Variants in VPS13C observed in about 807,000 individuals in gnomAD.
VPS13C encodes the protein intermembrane lipid transfer protein VPS13C.
Under a neutral mutation model 456.8 loss-of-function variants are expected in VPS13C, and 358 were observed. That is an observed-to-expected ratio of 0.78 (90% CI 0.72 to 0.86). VPS13C has a LOEUF of 0.86. VPS13C is among the 40% of genes least tolerant of loss of function. The probability of loss-of-function intolerance (pLI) is 0.00; values close to 1 mark genes in which losing one functional copy is unlikely to be tolerated. For missense variants in VPS13C, 4,818 were observed against 4,385.4 expected, an observed-to-expected ratio of 1.10 and a Z score of -2.79; for synonymous variants, 1,578 against 1,486.7, an observed-to-expected ratio of 1.06 and a Z score of -1.41.
At chr15:61,979,755 C>A (rs886648215) in intron 22 of VPS13C, among the ~76,000 whole-genome samples, 6 of 152,148 alleles carry the variant, frequency 3.9e-5, no homozygotes, top group African/African-American at 1.4e-4. Flanking sequence ...TAAAGCTGAG[C>A]AAACTTTTTA....
chr15:61,997,389 T>G lies in VPS13C; in HGVS notation c.1353+3175A>C, dbSNP rs547473568. Among the ~76,000 whole-genome samples, 163 of 152,280 alleles carry G rather than the reference T, an allele frequency of 1.1e-3. No individual in the cohort carries two copies. The Middle Eastern group carries it at 0.014, about 13-fold the overall frequency. ...CTAGCTATTCTAATTCCTGAGGTGATCTCATGCAATCTCATGGCTTTAAAG... is the reference window on the plus strand; with the variant it reads ...CTAGCTATTCTAATTCCTGAGGTGAGCTCATGCAATCTCATGGCTTTAAAG... On this transcript the variant is annotated intron_variant, in intron 16 of 84. Coordinates refer to ENST00000644861, the MANE Select transcript of VPS13C (RefSeq NM_020821.3).
chr15:61,875,108 A>G (rs1895320008), intron 76 of VPS13C, among the ~76,000 whole-genome samples, 157 bp from the exon 77 acceptor site: 1 of 152,236 alleles, frequency 6.6e-6, no homozygotes, highest in South Asian at 2.1e-4. Context: ...TATGGATAGA[A>G]TATCTATTGT....
chr15:61,869,863 G>T (rs1185223836), intron 79 of VPS13C, among the ~76,000 whole-genome samples: 1 of 152,084 alleles, frequency 6.6e-6, no homozygotes, highest in East Asian at 1.9e-4. Flanking sequence ...TGGGGGCGGG[G>T]CCAGCATTTA....
At chr15:61,952,267 G>T (rs1294902591) in intron 38 of VPS13C, among the ~76,000 whole-genome samples, 1 of 152,098 alleles carries the variant, frequency 6.6e-6, no homozygotes, top group Non-Finnish European at 1.5e-5. Flanking sequence ...AATTCTTTGT[G>T]GTGGGAAATG....
At chr15:61,869,928 T>C (rs551584906) in intron 79 of VPS13C, among the ~76,000 whole-genome samples, 2 of 152,312 alleles carry the variant, frequency 1.3e-5, no homozygotes, top group East Asian at 3.9e-4. Context: ...TGAGAACTAC[T>C]GATCTAGGAG....
At chr15:61,996,896 C>CACATATAT (rs1491210762) in intron 16 of VPS13C, among the ~76,000 whole-genome samples, 1 of 129,416 alleles carries the variant, frequency 7.7e-6, no homozygotes, top group South Asian at 2.4e-4. Context: ...CACACACACA[C>CACATATAT]ATATATATAT....
chr15:61,962,250 A>G, intron 34 of VPS13C, 121 bp downstream of exon 34: 1 of 872,448 alleles, frequency 1.1e-6, no homozygotes, highest in African/African-American at 1.7e-5. Flanking sequence ...ACATTCACGC[A>G]TAAATATAAT....
At chr15:61,888,891 C>G (rs1896464490) in intron 67 of VPS13C, among the ~76,000 whole-genome samples, 1 of 152,002 alleles carries the variant, frequency 6.6e-6, no homozygotes. Flanking sequence ...AATGTAGTAT[C>G]AATATTAGCT....
chr15:61,887,406 C>A (rs528802917), intron 67 of VPS13C, among the ~76,000 whole-genome samples: 1 of 152,254 alleles, frequency 6.6e-6, no homozygotes, highest in Admixed American at 6.5e-5. Flanking sequence ...ACCTGGACAT[C>A]CATATGCAAT....
At chr15:61,873,430 A>C in intron 77 of VPS13C, 21 bp from the exon 78 acceptor site, 1 of 1,611,290 alleles carries the variant, frequency 6.2e-7, no homozygotes, top group Non-Finnish European at 8.5e-7. Flanking sequence ...CAAGGGATTA[A>C]TTTCTAGAAT....
In VPS13C at chr15:61,983,652, A is replaced by G. The variant is rs933345991; in HGVS notation, c.1914+168T>C. 6 of 692,952 alleles carry G rather than the reference A, an allele frequency of 8.7e-6. No individual in the cohort carries two copies. The African/African-American group carries it at 1.1e-4, about 13-fold the overall frequency. 42.9% of individuals were successfully genotyped at this position (692,952 alleles called of 1,614,324 possible). A position where few individuals can be genotyped will look rare whatever the true frequency, so the allele number is the denominator to read the frequency against. On this transcript the variant is annotated intron_variant, in intron 20 of 84. Transcript: ENST00000644861. ...GAAAAATGTATTGCATATGAAAAAA[A>G]TCAAAATTAGCTGCTGAACATATAC...
intron 63 of VPS13C, among the ~76,000 whole-genome samples, chr15:61,911,148 T>G (rs141150821): frequency 6.6e-6 from 1 of 152,182 alleles, no homozygotes; most frequent in African/African-American, 2.4e-5. Context: ...GCTGGTTTGG[T>G]TGAAAATTCA....
At chr15:62,013,234 T>C in intron 10 of VPS13C, 115 bp from the exon 11 acceptor site, 1 of 588,532 alleles carries the variant, frequency 1.7e-6, no homozygotes, top group Non-Finnish European at 2.7e-6. Context: ...CATTTTGAAT[T>C]TTTAAAGGAA....
Position 61,954,434 on chromosome 15 carries a change from A to C in VPS13C, c.4286T>G (p.Phe1429Cys). 1 of 1,603,074 alleles carries C rather than the reference A, an allele frequency of 6.2e-7. No individual in the cohort carries two copies. The highest frequency in any genetic ancestry group is 8.5e-7 in the Non-Finnish European group (1 of 1,176,842). ...AAAATTACACACCTCTTTAATTTCA[A>C]AATTCAGCAGCATATTAATGATGTC... Reference protein sequence around the residue: ...SVDIINMLLNFEIKEVVVTLM... With the variant: ...SVDIINMLLNCEIKEVVVTLM... Residue 1429 changes from phenylalanine (F) to cysteine (C), a missense_variant, in exon 38 of 85, where the codon TTT becomes TGT. Around this residue, in one of 3 missense-constraint regions of VPS13C, gnomAD observed 4,552 missense variants for 4,130.6 expected, o/e 1.10. Coordinates refer to ENST00000644861, the MANE Select transcript of VPS13C (RefSeq NM_020821.3).
At chr15:62,051,722 T>G (rs1443676219) in intron 1 of VPS13C, among the ~76,000 whole-genome samples, 1 of 152,042 alleles carries the variant, frequency 6.6e-6, no homozygotes, top group Non-Finnish European at 1.5e-5. Flanking sequence ...TAACTAAAAT[T>G]AGTATAACAA....
chr15:61,892,340 G>C (rs905665487), intron 66 of VPS13C, among the ~76,000 whole-genome samples: 1 of 152,136 alleles, frequency 6.6e-6, no homozygotes, highest in African/African-American at 2.4e-5. Context: ...CTACATAGCT[G>C]GGATATCCCC....
At chr15:61,963,709 C>A in intron 32 of VPS13C, 126 bp downstream of exon 32, 4 of 676,630 alleles carry the variant, frequency 5.9e-6, no homozygotes, top group Non-Finnish European at 1.0e-5. Flanking sequence ...GCATACAATC[C>A]AATTACGTCT....
rs1158106157 is a variant in VPS13C, at chr15:61,922,404, G to A, written c.6968C>T (p.Thr2323Ile). 6.2e-7 allele frequency: 1 copy of A among 1,612,360 alleles called. No individual in the cohort carries two copies. The highest frequency in any genetic ancestry group is 8.5e-7 in the Non-Finnish European group (1 of 1,179,206). ...TAAGTGATGTGGCCATACCTGTAGTGTCACGTCAGCAACAGCAGCCATTAG... is the reference window on the plus strand; with the variant it reads ...TAAGTGATGTGGCCATACCTGTAGTATCACGTCAGCAACAGCAGCCATTAG... ...TSLMAAVADVTLQVHYYNEIH... is the reference protein window; with the variant it reads ...TSLMAAVADVILQVHYYNEIH... The change falls in exon 54 of 85, where the codon ACA becomes ATA. Residue 2323 changes from threonine (T) to isoleucine (I), a missense_variant. By Grantham distance (89) the Thr-to-Ile change is moderately conservative. Coordinates refer to ENST00000644861, the MANE Select transcript of VPS13C (RefSeq NM_020821.3).
At chr15:61,903,558 A>G (rs1349762768) in intron 66 of VPS13C, among the ~76,000 whole-genome samples, 1 of 152,180 alleles carries the variant, frequency 6.6e-6, no homozygotes, top group African/African-American at 2.4e-5. Flanking sequence ...AGAATTTAAT[A>G]TTGTTAAAAT....
Sources: allele counts gnomAD v4.1 joint callset (sites outside exome capture counted in the v4.1 genomes callset), GRCh38; gene constraint gnomAD v4.1.1; regional missense constraint gnomAD v4.1.1; transcripts MANE v1.5; gene names NCBI Gene and HGNC (gene_info 2026-07-23, HGNC 2026-07-21).